The following APBB1IP variants were observed in gnomAD, a reference collection of about 807,000 sequenced individuals.
APBB1IP encodes the protein amyloid beta precursor protein binding family B member 1 interacting protein, also known as amyloid beta A4 precursor protein-binding family B member 1-interacting protein.
A neutral mutation model predicts 64.9 loss-of-function variants in APBB1IP; 27 were observed. The observed-to-expected ratio is 0.42, with a 90% confidence interval of 0.31 to 0.57. APBB1IP has a LOEUF of 0.57. Ranked by LOEUF, APBB1IP falls within the 20% of genes least tolerant of loss-of-function variation. The pLI is 0.20. For synonymous variants in APBB1IP, 392 were observed against 331.0 expected, an observed-to-expected ratio of 1.18 and a Z score of -2.00; for missense variants, 812 against 845.5, an observed-to-expected ratio of 0.96 and a Z score of 0.49.
At chr10:26,525,611 A>C (rs1200876535) in intron 8 of APBB1IP, among the ~76,000 whole-genome samples, 1 of 152,188 alleles carries the variant, frequency 6.6e-6, no homozygotes, top group Non-Finnish European at 1.5e-5. Context: ...ACTGTACAAA[A>C]ATCAGTGACA....
At chr10:26,503,319 C>T (rs1163408150) in intron 6 of APBB1IP, 45 bp downstream of exon 6, 1 of 1,588,094 alleles carries the variant, frequency 6.3e-7, no homozygotes, top group East Asian at 2.2e-5. Context: ...CAATTAAGGA[C>T]CTGTGATTAT....
chr10:26,511,997 A>T (rs1836267303), intron 7 of APBB1IP, 91 bp downstream of exon 7: 1 of 1,384,428 alleles, frequency 7.2e-7, no homozygotes, highest in Admixed American at 2.3e-5. Flanking sequence ...TTTCTCTTTA[A>T]TTTTATATAA....
At chr10:26,447,374 C>CAAAAAAAAAA (rs55948326) in intron 2 of APBB1IP, among the ~76,000 whole-genome samples, 1 of 55,026 alleles carries the variant, frequency 1.8e-5, no homozygotes, top group Non-Finnish European at 3.4e-5. Flanking sequence ...GACTCCGTCT[C>CAAAAAAAAAA]AAAAAAAAAA....
At chr10:26,548,080 C>A (rs1206868877) in intron 11 of APBB1IP, among the ~76,000 whole-genome samples, 1 of 152,178 alleles carries the variant, frequency 6.6e-6, no homozygotes, top group Non-Finnish European at 1.5e-5. Flanking sequence ...GTGACTCCTC[C>A]AGCTTTGTTC....
intron 6 of APBB1IP, among the ~76,000 whole-genome samples, chr10:26,510,734 TCACA>T (rs1554776713): frequency 0.039 from 5,312 of 135,898 alleles, 109 homozygotes; most frequent in Middle Eastern, 0.073. Flanking sequence ...AGACCCTGTC[TCACA>T]CACACACACA....
chr10:26,542,456 G>A lies in APBB1IP; in HGVS notation c.1155+764G>A, dbSNP rs538508779. Among the ~76,000 whole-genome samples the A allele has an allele frequency of 1.8e-4, 28 of 152,250 alleles. 2 individuals carry two copies. The South Asian group carries it at 4.4e-3, about 24-fold the overall frequency. ...CAGGCATCAGCCACCACTCCTGGCC[G>A]ATTTACATTTTTTAAAATTAGAATC... On this transcript the variant is annotated intron_variant, in intron 11 of 14. Coordinates refer to ENST00000376236, the MANE Select transcript of APBB1IP (RefSeq NM_019043.4).
chr10:26,535,682 T>A (rs915650000), intron 9 of APBB1IP, among the ~76,000 whole-genome samples: 1 of 152,242 alleles, frequency 6.6e-6, no homozygotes. Context: ...GTAATAATTA[T>A]TCTGTCTTCC....
intron 6 of APBB1IP, among the ~76,000 whole-genome samples, chr10:26,510,184 G>A (rs1836235132): frequency 6.6e-6 from 1 of 152,118 alleles, no homozygotes; most frequent in Non-Finnish European, 1.5e-5. Flanking sequence ...TGGTCAGGCT[G>A]GCCTTGAATT....
At chr10:26,555,554 G>T (rs181470656) in intron 11 of APBB1IP, among the ~76,000 whole-genome samples, 11 of 152,156 alleles carry the variant, frequency 7.2e-5, no homozygotes, top group Middle Eastern at 3.4e-3. Flanking sequence ...CACCTCCAGG[G>T]AGCATTGCCC....
At chr10:26,541,975 TA>T (rs1034053980) in intron 11 of APBB1IP, among the ~76,000 whole-genome samples, 3 of 152,266 alleles carry the variant, frequency 2.0e-5, no homozygotes, top group African/African-American at 7.2e-5. Context: ...TCGATAAGAC[TA>T]AAAAAAGTTT....
intron 2 of APBB1IP, among the ~76,000 whole-genome samples, chr10:26,483,343 C>A (rs1588580225): frequency 6.6e-6 from 1 of 152,144 alleles, no homozygotes; most frequent in East Asian, 1.9e-4. Flanking sequence ...CTCTGGATGC[C>A]TCAGTTTTCT....
At chr10:26,553,277 C>T (rs1425869916) in intron 11 of APBB1IP, among the ~76,000 whole-genome samples, 1 of 152,058 alleles carries the variant, frequency 6.6e-6, no homozygotes, top group East Asian at 1.9e-4. Flanking sequence ...GCCTCAGCCT[C>T]CCAAAGTGCT....
intron 2 of APBB1IP, among the ~76,000 whole-genome samples, chr10:26,484,033 C>T (rs878910883): frequency 2.6e-5 from 4 of 152,062 alleles, no homozygotes; most frequent in African/African-American, 9.7e-5. Flanking sequence ...ACAGCTGAAA[C>T]GGTGAAATTT....
At position 26,541,675 on chromosome 10, in the gene APBB1IP, T is replaced by C. The variant is rs1836699242; in HGVS notation, c.1138T>C (p.Tyr380His). ...HKMKYKAPTD[Y>H]CFVLKHPQIQ... ...AATGAAATATAAAGCGCCCACTGAC[T>C]ATTGCTTTGTTTTAAAGGTATGTTA... Residue 380 changes from tyrosine to histidine, a missense_variant, in exon 11 of 15, where the codon TAT becomes CAT. By Grantham distance (83) the Tyr-to-His change is moderately conservative. Transcript: ENST00000376236. The C allele has an allele frequency of 1.2e-6, 2 of 1,606,026 alleles. No homozygotes were observed. The highest frequency in any genetic ancestry group is 1.1e-5 in the South Asian group (1 of 89,536).
At chr10:26,459,672 G>T (rs185336018) in intron 2 of APBB1IP, among the ~76,000 whole-genome samples, 1 of 152,174 alleles carries the variant, frequency 6.6e-6, no homozygotes, top group East Asian at 1.9e-4. Flanking sequence ...TGTTTCCTCA[G>T]CTGTTAAGGA....
Position 26,541,642 on chromosome 10 carries a change from C to T in APBB1IP, c.1105C>T (p.Gln369Ter). The T allele has an allele frequency of 6.2e-7, 1 of 1,612,156 alleles. No homozygotes were observed. The change falls in exon 11 of 15, where the codon CAG becomes TAG. Residue 369 changes from glutamine to a stop codon, truncating the protein, a stop_gained. Coordinates refer to ENST00000376236, the MANE Select transcript of APBB1IP (RefSeq NM_019043.4). LOFTEE classifies it high-confidence loss of function. ...FENVNIYYGTQHKMKYKAPTD... is the reference protein window; with the variant it reads ...FENVNIYYGT ...AAATGTCAACATTTACTATGGGACT[C>T]AGCATAAAATGAAATATAAAGCGCC...
At chr10:26,554,700 G>A (rs867724379) in intron 11 of APBB1IP, among the ~76,000 whole-genome samples, 2 of 152,092 alleles carry the variant, frequency 1.3e-5, no homozygotes, top group South Asian at 2.1e-4. Flanking sequence ...TCCTGCCTCA[G>A]CCTCCCAAGT....
chr10:26,495,196 C>T (rs569180571), intron 3 of APBB1IP, among the ~76,000 whole-genome samples: 191 of 151,426 alleles, frequency 1.3e-3, no homozygotes, highest in African/African-American at 4.4e-3. Flanking sequence ...TTAATAGAGA[C>T]GGGGTTTCAC....
At chr10:26,457,622 A>G (rs1337687294) in intron 2 of APBB1IP, among the ~76,000 whole-genome samples, 2 of 152,262 alleles carry the variant, frequency 1.3e-5, no homozygotes, top group Non-Finnish European at 2.9e-5. Flanking sequence ...CTGGTAAGCC[A>G]GGGGACCTGG....
Sources: allele counts gnomAD v4.1 joint callset (sites outside exome capture counted in the v4.1 genomes callset), GRCh38; gene constraint gnomAD v4.1.1; transcripts MANE v1.5; gene names NCBI Gene and HGNC (gene_info 2026-07-23, HGNC 2026-07-21).